Variants in PAFAH2 observed in about 807,000 individuals in gnomAD.
PAFAH2 encodes the protein platelet activating factor acetylhydrolase 2.
PAFAH2 carries 42 observed loss-of-function variants against 49.0 expected under a neutral mutation model. The observed-to-expected ratio is 0.86, with a 90% CI of 0.67 to 1.11. The LOEUF (loss-of-function observed/expected upper bound fraction) is 1.11. PAFAH2 is among the 50% of genes least tolerant of loss of function. PAFAH2 has a pLI of 0.00. For synonymous variants in PAFAH2, 184 were observed against 181.3 expected, an observed-to-expected ratio of 1.01 and a Z score of -0.12; for missense variants, 503 against 501.8, an observed-to-expected ratio of 1.00 and a Z score of -0.02.
intron 9 of PAFAH2, among the ~76,000 whole-genome samples, 183 bp from the exon 10 acceptor site, chr1:25,972,895 C>CA (rs1432315898): frequency 1.3e-5 from 2 of 152,148 alleles, no homozygotes; most frequent in Non-Finnish European, 2.9e-5. Context: ...TGCTTAGGGT[C>CA]AGGTCATACA....
At chr1:25,984,615 A>G in intron 4 of PAFAH2, 87 bp from the exon 5 acceptor site, 1 of 1,027,032 alleles carries the variant, frequency 9.7e-7, no homozygotes, top group South Asian at 1.3e-5. Context: ...GCTAGCAGCC[A>G]TCTTGTGGAA....
At chr1:25,962,797 G>A (rs2049358394) in intron 10 of PAFAH2, among the ~76,000 whole-genome samples, 1 of 151,122 alleles carries the variant, frequency 6.6e-6, no homozygotes, top group Admixed American at 6.6e-5. Context: ...ACTCCAACCT[G>A]GGCAACAGCA....
chr1:25,980,617 A>T (rs2049671316), intron 7 of PAFAH2, among the ~76,000 whole-genome samples: 1 of 147,162 alleles, frequency 6.8e-6, no homozygotes, highest in Non-Finnish European at 1.5e-5. Context: ...ATATTTATAT[A>T]TATATATATA....
chr1:25,961,514 T>C lies in PAFAH2; in HGVS notation c.*475A>G, dbSNP rs2049337700. On this transcript the variant is annotated 3_prime_UTR_variant, in exon 11 of 11. Coordinates refer to ENST00000374282, the MANE Select transcript of PAFAH2 (RefSeq NM_000437.4). ...CATAAAGTGCTCAGACTTCAACAAG[T>C]GGCCCTGGGGAGGGAGAAGGCTGAG... 1.3e-5 allele frequency: 2 copies of C among 153,000 alleles called. No individual in the cohort carries two copies. The highest frequency in any genetic ancestry group is 2.4e-5 in the African/African-American group (1 of 41,438). 9.5% of individuals were successfully genotyped at this position (153,000 alleles called of 1,614,324 possible).
At chr1:25,984,964 C>T (rs996016690) in intron 4 of PAFAH2, among the ~76,000 whole-genome samples, 4 of 150,660 alleles carry the variant, frequency 2.7e-5, no homozygotes, top group Non-Finnish European at 5.9e-5. Context: ...AAGTGATTCT[C>T]CTGCCTCAGC....
intron 1 of PAFAH2, among the ~76,000 whole-genome samples, chr1:25,992,552 G>A (rs1276940764): frequency 6.6e-6 from 1 of 152,140 alleles, no homozygotes; most frequent in Admixed American, 6.5e-5. Flanking sequence ...TATGTTTAGT[G>A]CTTTTCACAT....
intron 10 of PAFAH2, among the ~76,000 whole-genome samples, chr1:25,966,596 A>G (rs56310206): frequency 0.014 from 2,083 of 152,278 alleles, 30 homozygotes; most frequent in Non-Finnish European, 0.023. Context: ...CAGAGTAGAA[A>G]AATAAGACAC....
chr1:25,968,462 T>C (rs1200754943), intron 10 of PAFAH2, among the ~76,000 whole-genome samples: 1 of 151,650 alleles, frequency 6.6e-6, no homozygotes, highest in Non-Finnish European at 1.5e-5. Flanking sequence ...AGAAAAAAGG[T>C]GTGAAATAGT....
At chr1:25,989,160 C>T (rs910033888) in intron 3 of PAFAH2, among the ~76,000 whole-genome samples, 16 of 152,174 alleles carry the variant, frequency 1.1e-4, no homozygotes, top group Non-Finnish European at 1.9e-4. Flanking sequence ...ACGTACATCC[C>T]GTACTACAAA....
chr1:25,989,365 T>C, intron 3 of PAFAH2, 83 bp downstream of exon 3: 3 of 1,343,562 alleles, frequency 2.2e-6, no homozygotes, highest in Non-Finnish European at 3.0e-6. Flanking sequence ...CTGCAGGCTA[T>C]AAGGTACTGC....
intron 10 of PAFAH2, 79 bp downstream of exon 10, chr1:25,972,472 TCCCAGAC>T: frequency 5.6e-6 from 8 of 1,429,208 alleles, no homozygotes; most frequent in Non-Finnish European, 7.7e-6. Context: ...CCTTCCCAGA[TCCCAGAC>T]ATGTCAGAGT....
intron 8 of PAFAH2, among the ~76,000 whole-genome samples, chr1:25,975,042 A>G (rs776052843): frequency 2.0e-5 from 3 of 152,192 alleles, no homozygotes; most frequent in Non-Finnish European, 4.4e-5. Context: ...CTCCCAGTCC[A>G]GCAGGGAAGA....
chr1:25,973,999 T>A (rs2049549552), intron 9 of PAFAH2, among the ~76,000 whole-genome samples: 1 of 152,210 alleles, frequency 6.6e-6, no homozygotes, highest in Admixed American at 6.5e-5. Context: ...TGAAAAAATG[T>A]GGCTTCTCTT....
At position 25,988,438 on chromosome 1, in the gene PAFAH2, A is replaced by G. The variant is rs2049819405; in HGVS notation, c.245-111T>C. On this transcript the variant is annotated intron_variant, in intron 3 of 10. Transcript: ENST00000374282. ...ATGTGTTTCTCCCCTCTGGAGAACC[A>G]CCATCGGCCCCTGAGCAGCTCAGGG... 8 of 746,492 alleles carry G rather than the reference A, an allele frequency of 1.1e-5. No homozygotes were observed. The South Asian group carries it at 1.3e-4, about 12-fold the overall frequency. The allele number at this position is 746,492 out of a possible 1,614,324, so 46.2% of individuals were successfully genotyped here. A position where few individuals can be genotyped will look rare whatever the true frequency, so the allele number is the denominator to read the frequency against.
At chr1:25,977,426 G>A (rs540312122) in intron 7 of PAFAH2, among the ~76,000 whole-genome samples, 46 of 151,606 alleles carry the variant, frequency 3.0e-4, no homozygotes, top group South Asian at 2.5e-3. Context: ...CAAGGCGGGC[G>A]GATTGCTTGA....
rs562421994 is a variant in PAFAH2, at chr1:25,989,499, A to G, written c.193T>C (p.Tyr65His). Reference protein sequence around the residue: ...RYEYCTGLAEYLQFNKRCGGL... With the variant: ...RYEYCTGLAEHLQFNKRCGGL... Reference sequence around the variant, plus strand: ...CCGCAGCGCTTATTAAACTGCAGGTACTCGGCCAGGCCAGTGCAGTACTCA... The same window carrying G: ...CCGCAGCGCTTATTAAACTGCAGGTGCTCGGCCAGGCCAGTGCAGTACTCA... Residue 65 changes from tyrosine to histidine, a missense_variant, in exon 3 of 11, where the codon TAC becomes CAC. Tyr to His is a moderately conservative substitution (Grantham distance 83, BLOSUM62 2). Transcript: ENST00000374282. The G allele has an allele frequency of 2.0e-5, 32 of 1,611,924 alleles. No individual in the cohort carries two copies. The highest frequency in any genetic ancestry group is 4.0e-5 in the African/African-American group (3 of 75,010).
rs1266099615 is a variant in PAFAH2, at chr1:25,971,259, T to C, written c.1084+1299A>G. On this transcript the variant is annotated intron_variant, in intron 10 of 10. Coordinates refer to ENST00000374282, the MANE Select transcript of PAFAH2 (RefSeq NM_000437.4). ...TGCTGAGGGATCAGAAAGGGACCTC[T>C]GATGCAGAGAGCTCAGAGCCTAGCT... 7.9e-5 allele frequency among the ~76,000 whole-genome samples: 12 copies of C among 152,316 alleles called. No homozygotes were observed. In the East Asian group the frequency reaches 1.9e-3, roughly 24 times the overall value.
chr1:25,997,226 A>G (rs2049948605), intron 1 of PAFAH2, among the ~76,000 whole-genome samples: 1 of 152,206 alleles, frequency 6.6e-6, no homozygotes, highest in African/African-American at 2.4e-5. Flanking sequence ...TGGTCTCTGG[A>G]GGAAGTGAGG....
At chr1:25,968,589 T>C (rs953573851) in intron 10 of PAFAH2, among the ~76,000 whole-genome samples, 1 of 152,124 alleles carries the variant, frequency 6.6e-6, no homozygotes, top group African/African-American at 2.4e-5. Context: ...ACAAGTGCTC[T>C]CAGAAGGAAT....
Sources: gnomAD v4.1 joint callset for allele counts (sites outside exome capture counted in the v4.1 genomes callset) on GRCh38, gnomAD v4.1.1 for gene constraint, MANE v1.5 for transcripts, NCBI Gene and HGNC (gene_info 2026-07-23, HGNC 2026-07-21) for gene names.